DLGAP2: variants seen among roughly 807,000 people sequenced by gnomAD.
DLGAP2 encodes the protein DLG associated protein 2.
In DLGAP2, 26 loss-of-function variants were observed where a neutral mutation model predicts 100.3. The observed-to-expected ratio is 0.26, with a 90% CI of 0.19 to 0.36. The LOEUF is 0.36. DLGAP2 is among the 10% of genes least tolerant of loss of function. The pLI, the probability that DLGAP2 is intolerant of heterozygous loss-of-function variation, is 1.00. For synonymous variants in DLGAP2, 886 were observed against 630.1 expected (o/e 1.41, Z -6.08); for missense variants, 1,858 against 1,453.2 (o/e 1.28, Z -4.53).
intron 3 of DLGAP2, among the ~76,000 whole-genome samples, chr8:1,261,532 C>T (rs1799349841): frequency 3.2e-5 from 2 of 63,218 alleles, no homozygotes; most frequent in South Asian, 6.0e-4. Context: ...CCGCATAAGT[C>T]GGGGGGCTCT....
intron 5 of DLGAP2, among the ~76,000 whole-genome samples, chr8:1,552,430 GA>G (rs1230713351): frequency 1.3e-5 from 2 of 152,212 alleles, no homozygotes; most frequent in African/African-American, 4.8e-5. Flanking sequence ...ACCCCTCATG[GA>G]AGGATCTATG....
intron 2 of DLGAP2, among the ~76,000 whole-genome samples, chr8:994,480 A>G (rs1022288654): frequency 6.6e-6 from 1 of 152,162 alleles, no homozygotes; most frequent in African/African-American, 2.4e-5. Context: ...GATTACAGGC[A>G]TGAGCCACTG....
intron 3 of DLGAP2, among the ~76,000 whole-genome samples, chr8:1,345,067 C>G (rs1801523222): frequency 6.6e-6 from 1 of 152,186 alleles, no homozygotes; most frequent in South Asian, 2.1e-4. Flanking sequence ...AGTTATCTGG[C>G]CCTTTGCAAA....
chr8:1,115,745 A>G (rs1415377529), intron 2 of DLGAP2, among the ~76,000 whole-genome samples: 2 of 152,178 alleles, frequency 1.3e-5, no homozygotes, highest in Non-Finnish European at 2.9e-5. Context: ...GTGCTTTGGC[A>G]TGAGAATTCA....
intron 1 of DLGAP2, among the ~76,000 whole-genome samples, chr8:758,148 C>T (rs1381129957): frequency 1.3e-5 from 2 of 152,220 alleles, no homozygotes; most frequent in African/African-American, 4.8e-5. Context: ...GTGGCCATCC[C>T]GAGGTTCCCT....
At chr8:1,090,467 G>T (rs1804141294) in intron 2 of DLGAP2, among the ~76,000 whole-genome samples, 1 of 152,260 alleles carries the variant, frequency 6.6e-6, no homozygotes, top group Non-Finnish European at 1.5e-5. Flanking sequence ...GACCACGACA[G>T]GGTTCGCCTG....
intron 1 of DLGAP2, among the ~76,000 whole-genome samples, chr8:881,666 A>ATGTGTGTATATATATATATATATATATAT: frequency 7.6e-6 from 1 of 131,048 alleles, no homozygotes; most frequent in African/African-American, 2.7e-5. Flanking sequence ...CTTGTGGCTG[A>ATGTGTGTATATATATATATATATATATAT]ACACACACAC....
intron 1 of DLGAP2, among the ~76,000 whole-genome samples, chr8:793,325 T>G (rs566880830): frequency 1.3e-5 from 2 of 152,360 alleles, no homozygotes; most frequent in East Asian, 3.9e-4. Context: ...CCAGTCAGTA[T>G]GGTTAGTGAA....
At chr8:1,481,035 G>A (rs1442730134) in intron 3 of DLGAP2, among the ~76,000 whole-genome samples, 3 of 152,142 alleles carry the variant, frequency 2.0e-5, no homozygotes, top group East Asian at 3.9e-4. Context: ...AGCTGGGCGT[G>A]GTGGCGGGTG....
chr8:1,470,523 C>T (rs533562919), intron 3 of DLGAP2, among the ~76,000 whole-genome samples: 2 of 152,128 alleles, frequency 1.3e-5, no homozygotes, highest in African/African-American at 2.4e-5. Context: ...ACAACAAAAT[C>T]CATGGGCCAG....
Position 1,703,351 on chromosome 8 carries a change from C to G in DLGAP2, c.*1945C>G, listed in dbSNP as rs1240732255. The G allele has an allele frequency of 6.6e-6, 1 of 152,488 alleles. No individual in the cohort carries two copies. The highest frequency in any genetic ancestry group is 1.9e-4 in the East Asian group (1 of 5,186). The allele number at this position is 152,488 out of a possible 1,614,324, so 9.4% of individuals were successfully genotyped here. On this transcript the variant is annotated 3_prime_UTR_variant, in exon 15 of 15. Coordinates refer to ENST00000637795, the MANE Select transcript of DLGAP2 (RefSeq NM_001346810.2). ...CTTCTATAAATGAATCCTATTTCCC[C>G]AGAGTGTTCAAGGCATTTTTCTACC...
chr8:1,130,285 A>T (rs1173100361), intron 2 of DLGAP2, among the ~76,000 whole-genome samples: 2 of 152,134 alleles, frequency 1.3e-5, no homozygotes, highest in Admixed American at 1.3e-4. Context: ...GATTGATGGG[A>T]AGTTTAGTGT....
chr8:1,254,193 T>A (rs1012215353), intron 2 of DLGAP2, among the ~76,000 whole-genome samples: 2 of 152,292 alleles, frequency 1.3e-5, no homozygotes, highest in South Asian at 4.1e-4. Context: ...TGCCTCTCCC[T>A]TCCCTGAAAT....
chr8:1,115,060 A>G (rs907549697), intron 2 of DLGAP2, among the ~76,000 whole-genome samples: 1 of 152,256 alleles, frequency 6.6e-6, no homozygotes. Context: ...CCAAGATTGT[A>G]TTTGGCATGG....
At chr8:977,380 C>A (rs1016906852) in intron 2 of DLGAP2, among the ~76,000 whole-genome samples, 3 of 152,212 alleles carry the variant, frequency 2.0e-5, no homozygotes, top group Non-Finnish European at 4.4e-5. Flanking sequence ...ATTTTATGTG[C>A]AAATGAGTGG....
chr8:1,297,677 G>A (rs1800218127), intron 3 of DLGAP2, among the ~76,000 whole-genome samples: 2 of 132,744 alleles, frequency 1.5e-5, no homozygotes, highest in African/African-American at 5.9e-5. Context: ...GAGGAGAAAC[G>A]TGGCAGGCGT....
At chr8:1,387,444 C>G (rs556755987) in intron 3 of DLGAP2, among the ~76,000 whole-genome samples, 1 of 152,268 alleles carries the variant, frequency 6.6e-6, no homozygotes, top group South Asian at 2.1e-4. Context: ...ACACACATCA[C>G]AGCATTAAGA....
intron 5 of DLGAP2, among the ~76,000 whole-genome samples, chr8:1,551,008 C>T (rs1801746927): frequency 6.6e-6 from 1 of 152,236 alleles, no homozygotes; most frequent in South Asian, 2.1e-4. Context: ...GGACTAGCAG[C>T]CGTGATTCTT....
intron 2 of DLGAP2, among the ~76,000 whole-genome samples, chr8:1,250,081 A>T (rs944253632): frequency 6.6e-6 from 1 of 152,108 alleles, no homozygotes; most frequent in Non-Finnish European, 1.5e-5. Flanking sequence ...GGGTTTCACC[A>T]TGTTGGTCAG....
Sources: allele counts gnomAD v4.1 joint callset (sites outside exome capture counted in the v4.1 genomes callset), GRCh38; gene constraint gnomAD v4.1.1; transcripts MANE v1.5; gene names NCBI Gene and HGNC (gene_info 2026-07-23, HGNC 2026-07-21).